The following VPS45 variants were observed in gnomAD, a reference collection of about 807,000 sequenced individuals.
VPS45 encodes the protein vacuolar protein sorting-associated protein 45.
A neutral mutation model predicts 75.9 loss-of-function variants in VPS45; 35 were observed. That is an observed-to-expected ratio of 0.46 (90% CI 0.35 to 0.61). VPS45 has a LOEUF of 0.61. VPS45 is among the 20% of genes least tolerant of loss of function. VPS45 has a pLI of 0.00. For synonymous variants in VPS45, 220 were observed against 238.2 expected (o/e 0.92, Z 0.70); for missense variants, 559 against 685.9 (o/e 0.81, Z 2.07).
At chr1:150,100,774 C>T (rs1477725747) in intron 13 of VPS45, among the ~76,000 whole-genome samples, 1 of 152,126 alleles carries the variant, frequency 6.6e-6, no homozygotes, top group African/African-American at 2.4e-5. Context: ...ACTGACTAGC[C>T]ATATGCAGAA....
chr1:150,139,532 C>A (rs1178493207), intron 14 of VPS45, among the ~76,000 whole-genome samples: 1 of 151,316 alleles, frequency 6.6e-6, no homozygotes, highest in African/African-American at 2.4e-5. Context: ...TCAAGAAAAG[C>A]TATTACCTAA....
intron 7 of VPS45, 81 bp from the exon 8 acceptor site, chr1:150,081,261 T>C (rs1257445889): frequency 4.5e-6 from 6 of 1,344,168 alleles, no homozygotes; most frequent in African/African-American, 3.0e-5. Flanking sequence ...AAGAATGTTA[T>C]CAGTTTTTAT....
intron 14 of VPS45, among the ~76,000 whole-genome samples, chr1:150,120,459 A>G (rs1295157025): frequency 6.6e-6 from 1 of 152,246 alleles, no homozygotes; most frequent in Non-Finnish European, 1.5e-5. Flanking sequence ...TTTTAGTGTA[A>G]GAACAGAGCC....
chr1:150,085,771 A>G (rs1394447821), intron 10 of VPS45, among the ~76,000 whole-genome samples: 1 of 152,136 alleles, frequency 6.6e-6, no homozygotes, highest in African/African-American at 2.4e-5. Context: ...GTTAACTTAA[A>G]AATTGCTGCC....
chr1:150,107,770 G>A (rs1190865493), intron 13 of VPS45, among the ~76,000 whole-genome samples: 5 of 152,240 alleles, frequency 3.3e-5, no homozygotes, highest in South Asian at 2.1e-4. Context: ...GCATGGTGGC[G>A]CACGCCTGTA....
chr1:150,107,596 T>C (rs1421139232), intron 13 of VPS45, among the ~76,000 whole-genome samples: 2 of 152,140 alleles, frequency 1.3e-5, no homozygotes, highest in Non-Finnish European at 2.9e-5. Flanking sequence ...GCCAAAACTA[T>C]CCTTCAAAAA....
intron 14 of VPS45, among the ~76,000 whole-genome samples, chr1:150,138,829 C>G (rs770309948): frequency 6.6e-6 from 1 of 152,132 alleles, no homozygotes; most frequent in African/African-American, 2.4e-5. Context: ...AACTTCTGAT[C>G]TTTGTTGCTC....
At chr1:150,076,794 G>A (rs374353286) in intron 4 of VPS45, 122 bp from the exon 5 acceptor site, 10 of 986,166 alleles carry the variant, frequency 1.0e-5, no homozygotes, top group East Asian at 7.3e-5. Flanking sequence ...GAACAATTTA[G>A]TATCTCTTTA....
At chr1:150,112,813 A>G (rs1336764803) in intron 14 of VPS45, among the ~76,000 whole-genome samples, 4 of 152,302 alleles carry the variant, frequency 2.6e-5, no homozygotes, top group East Asian at 3.9e-4. Flanking sequence ...ATAATTTACT[A>G]GAACAGTTCA....
chr1:150,076,729 G>A, intron 4 of VPS45, 187 bp from the exon 5 acceptor site: 1 of 627,868 alleles, frequency 1.6e-6, no homozygotes. Flanking sequence ...TATTGCTACT[G>A]TTTTGTAATT....
chr1:150,111,908 C>CT (rs1657670443), intron 14 of VPS45, among the ~76,000 whole-genome samples: 1 of 152,020 alleles, frequency 6.6e-6, no homozygotes, highest in African/African-American at 2.4e-5. Flanking sequence ...TGTGTTTTAA[C>CT]TTTCATTTTG....
chr1:150,088,335 C>A (rs911747500), intron 10 of VPS45, among the ~76,000 whole-genome samples: 4 of 151,476 alleles, frequency 2.6e-5, no homozygotes, highest in African/African-American at 9.7e-5. Context: ...CACTATTTGT[C>A]CTTCTGTGTC....
At chr1:150,077,273 T>C in intron 6 of VPS45, 42 bp downstream of exon 6, 3 of 1,585,514 alleles carry the variant, frequency 1.9e-6, no homozygotes, top group Non-Finnish European at 2.6e-6. Flanking sequence ...ATAAAGGCCA[T>C]TCATTTCTCT....
intron 14 of VPS45, among the ~76,000 whole-genome samples, chr1:150,116,899 T>C (rs1325161838): frequency 6.6e-6 from 1 of 152,076 alleles, no homozygotes; most frequent in Non-Finnish European, 1.5e-5. Flanking sequence ...ATTAAACATA[T>C]ATATCTCCAT....
chr1:150,118,903 T>C (rs587623205), intron 14 of VPS45, among the ~76,000 whole-genome samples: 1 of 152,346 alleles, frequency 6.6e-6, no homozygotes, highest in East Asian at 1.9e-4. Flanking sequence ...GTTCACTGGC[T>C]TCCTGACCAA....
intron 14 of VPS45, among the ~76,000 whole-genome samples, chr1:150,137,639 G>A (rs1265179521): frequency 6.6e-6 from 1 of 152,144 alleles, no homozygotes. Flanking sequence ...GCTATGCTGG[G>A]CACAGTGGCT....
intron 3 of VPS45, among the ~76,000 whole-genome samples, chr1:150,074,640 G>C (rs1655266378): frequency 6.6e-6 from 1 of 151,892 alleles, no homozygotes; most frequent in Non-Finnish European, 1.5e-5. Context: ...TGCCCACCTT[G>C]GCCTCCCAAA....
intron 14 of VPS45, among the ~76,000 whole-genome samples, chr1:150,137,932 A>AAAG (rs1387536612): frequency 6.6e-6 from 1 of 151,638 alleles, no homozygotes; most frequent in East Asian, 1.9e-4. Flanking sequence ...AAAAAAAAAA[A>AAAG]AAACAGTTTG....
chr1:150,101,852 G>A (rs782491531), intron 13 of VPS45, among the ~76,000 whole-genome samples: 1 of 152,112 alleles, frequency 6.6e-6, no homozygotes, highest in Non-Finnish European at 1.5e-5. Flanking sequence ...CAGTATGGCA[G>A]TTCCTCAAAG....
Sources: gnomAD v4.1 joint callset for allele counts (sites outside exome capture counted in the v4.1 genomes callset) on GRCh38, gnomAD v4.1.1 for gene constraint, MANE v1.5 for transcripts, NCBI Gene and HGNC (gene_info 2026-07-23, HGNC 2026-07-21) for gene names.